The following ZNF483 variants were observed in gnomAD, a reference collection of about 807,000 sequenced individuals.
ZNF483 encodes zinc finger protein HIT-10.
ZNF483 carries 9 observed loss-of-function variants against 28.6 expected under a neutral mutation model. The ratio of observed to expected loss-of-function variants is 0.32; its 90% CI spans 0.19 to 0.55. The LOEUF (loss-of-function observed/expected upper bound fraction) is 0.55, where lower values mean the gene tolerates loss of function less well. Among genes scored for constraint, ZNF483 ranks in the 20% least tolerant of loss-of-function variants. ZNF483 has a pLI of 0.93. For synonymous variants in ZNF483, 322 were observed against 306.2 expected, an observed-to-expected ratio of 1.05 and a Z score of -0.54; for missense variants, 675 against 871.7, an observed-to-expected ratio of 0.77 and a Z score of 2.84.
rs1299743945 is a variant in ZNF483, at chr9:111,553,116, C to T, written c.*9946C>T. Among the ~76,000 whole-genome samples the T allele has an allele frequency of 1.3e-5, 2 of 152,262 alleles. No homozygotes were observed. The highest frequency in any genetic ancestry group is 3.9e-4 in the East Asian group (2 of 5,186). ...TGTGTATTCTTTTTTGACTTACACT[C>T]ACTAAATGGTTGCTAAAAATTACAT... On this transcript the variant is annotated 3_prime_UTR_variant, in exon 6 of 6. Transcript: ENST00000309235.
downstream of ZNF483, among the ~76,000 whole-genome samples, chr9:111,559,786 C>G (rs1828222782): frequency 6.6e-6 from 1 of 152,186 alleles, no homozygotes; most frequent in African/African-American, 2.4e-5. Flanking sequence ...TTGGCTCCTT[C>G]TAATGTCTTT....
At chr9:111,566,702 G>A (rs190847786) in intron 5 of ZNF483, among the ~76,000 whole-genome samples, 1 of 152,258 alleles carries the variant, frequency 6.6e-6, no homozygotes, top group African/African-American at 2.4e-5. Context: ...TTTATTCAGT[G>A]CCTACATTGC....
intron 5 of ZNF483, among the ~76,000 whole-genome samples, chr9:111,536,531 TAAAAAC>T (rs1292104170): frequency 5.9e-5 from 9 of 152,048 alleles, no homozygotes; most frequent in South Asian, 2.1e-4. Flanking sequence ...TCTCAAAAAA[TAAAAAC>T]AAAAGTAAGT....
intron 4 of ZNF483, 32 bp from the exon 5 acceptor site, chr9:111,534,229 C>G: frequency 6.3e-7 from 1 of 1,580,410 alleles, no homozygotes; most frequent in South Asian, 1.1e-5. Flanking sequence ...CTATGCAAAA[C>G]AGCAATTTTC....
At chr9:111,537,714 C>T (rs1053432182) in intron 5 of ZNF483, among the ~76,000 whole-genome samples, 4 of 152,168 alleles carry the variant, frequency 2.6e-5, no homozygotes, top group East Asian at 1.9e-4. Context: ...ACAGCCTCCA[C>T]CTCCTGGGCT....
intron 3 of ZNF483, among the ~76,000 whole-genome samples, chr9:111,531,380 T>C (rs1013771645): frequency 6.6e-6 from 1 of 152,002 alleles, no homozygotes; most frequent in African/African-American, 2.4e-5. Flanking sequence ...ATTTCCTTCT[T>C]TTTTTTTCTT....
intron 1 of ZNF483, among the ~76,000 whole-genome samples, chr9:111,526,432 T>C (rs1827188288): frequency 6.6e-6 from 1 of 151,976 alleles, no homozygotes; most frequent in Non-Finnish European, 1.5e-5. Context: ...CGGGGAGTGA[T>C]AAGATCATAT....
chr9:111,551,272 C>G lies in ZNF483; in HGVS notation c.*8102C>G, dbSNP rs888480686. 1.3e-5 allele frequency among the ~76,000 whole-genome samples: 2 copies of G among 151,922 alleles called. No individual in the cohort carries two copies. Among genetic ancestry groups the G allele is most frequent in the Admixed American group, 1.3e-4 (2 of 15,246 alleles). On this transcript the variant is annotated 3_prime_UTR_variant, in exon 6 of 6. Transcript: ENST00000309235. ...ACACACAAAATTTTCATTTGTAATACATAACTCACATTTAGATTTATAAAA... is the reference window on the plus strand; with the variant it reads ...ACACACAAAATTTTCATTTGTAATAGATAACTCACATTTAGATTTATAAAA...
At chr9:111,535,555 G>A (rs1827471625) in intron 5 of ZNF483, among the ~76,000 whole-genome samples, 1 of 152,162 alleles carries the variant, frequency 6.6e-6, no homozygotes, top group Non-Finnish European at 1.5e-5. Flanking sequence ...GTTTTGTTTT[G>A]TTTTCTTGAG....
In ZNF483 at chr9:111,527,642, C is replaced by A; in HGVS notation, c.247C>A (p.Pro83Thr). Residue 83 changes from proline to threonine, a missense_variant, in exon 2 of 6, where the codon CCA (proline) becomes ACA (threonine). Physicochemically the swap from Pro to Thr is conservative, Grantham distance 38. Around this residue, in one of 6 missense-constraint regions of ZNF483, gnomAD observed 525 missense variants for 581.8 expected, o/e 0.90. Transcript: ENST00000309235. ...GGAGCTCTGCAATCAGTGGCTGAGA[C>A]CAGACATTCACACGAAAGAACAGAT... ...LWELCNQWLR[P>T]DIHTKEQILE... The A allele has an allele frequency of 6.2e-7, 1 of 1,614,108 alleles. No homozygotes were observed. Among genetic ancestry groups the A allele is most frequent in the Non-Finnish European group, 8.5e-7 (1 of 1,180,040 alleles).
intron 5 of ZNF483, chr9:111,574,243 CT>C (rs1828957103): frequency 6.6e-6 from 1 of 152,162 alleles, no homozygotes; most frequent in Non-Finnish European, 1.5e-5. Context: ...ATAACTGTTT[CT>C]TTTATATTTG....
rs183452797 is a variant in ZNF483 at position 111,570,498 on chromosome 9, C to T, written c.722-5867C>T. On this transcript the variant is annotated intron_variant, in intron 5 of 5. Transcript: ENST00000358151. The stretch of plus-strand genomic sequence containing the variant: ...ATGATTAAGAAGTTTGGGGGTGGCG[C>T]GGTGGCTCACACCTGTAATCCCAGC... 5.5e-3 allele frequency among the ~76,000 whole-genome samples: 837 copies of T among 152,072 alleles called. 13 individuals carry two copies. The highest frequency in any genetic ancestry group is 0.019 in the African/African-American group (803 of 41,498).
In ZNF483 at chr9:111,544,306, A is replaced by G; in HGVS notation, c.*1136A>G. On this transcript the variant is annotated 3_prime_UTR_variant, in exon 6 of 6. Coordinates refer to ENST00000309235, the MANE Select transcript of ZNF483 (RefSeq NM_133464.5). Reference sequence around the variant, plus strand: ...TGGAGTGTAAACATTCTGTGTGGCAACAGTTAAAAGCTGTTATAACAATTT... The same window carrying G: ...TGGAGTGTAAACATTCTGTGTGGCAGCAGTTAAAAGCTGTTATAACAATTT... 1 of 985,378 alleles carries G rather than the reference A, an allele frequency of 1.0e-6. No homozygotes were observed. The allele number at this position is 985,378 out of a possible 1,614,324, so 61.0% of individuals were successfully genotyped here. A position where few individuals can be genotyped will look rare whatever the true frequency, so the allele number is the denominator to read the frequency against.
rs1827749618 is a variant in ZNF483, at chr9:111,544,268, A to AT, written c.*1105dup. On this transcript the variant is annotated 3_prime_UTR_variant, in exon 6 of 6. Transcript: ENST00000309235. ...AAACAATTTTGCCTGTAGCAAGTAC[A>AT]TTTTTTTGCAATTGGAGTGTAAACA... 4.1e-6 allele frequency: 4 copies of AT among 985,240 alleles called. No homozygotes were observed. The highest frequency in any genetic ancestry group is 4.7e-5 in the South Asian group (1 of 21,280). 61.0% of individuals were successfully genotyped at this position (985,240 alleles called of 1,614,324 possible). A position where few individuals can be genotyped will look rare whatever the true frequency, so the allele number is the denominator to read the frequency against.
rs1827721655 is a variant in ZNF483 at position 111,543,435 on chromosome 9, G to A, written c.*265G>A. 1 of 1,192,534 alleles carries A rather than the reference G, an allele frequency of 8.4e-7. No homozygotes were observed. The highest frequency in any genetic ancestry group is 4.2e-5 in the Admixed American group (1 of 23,600). 73.9% of individuals were successfully genotyped at this position (1,192,534 alleles called of 1,614,324 possible). A position where few individuals can be genotyped will look rare whatever the true frequency, so the allele number is the denominator to read the frequency against. ...ATTGGAAAAGCTCTTTTCTTCAGGG[G>A]ATTTCTCTCTGATTTCTTCTACTAC... is the stretch of plus-strand genomic sequence containing the variant. On this transcript the variant is annotated 3_prime_UTR_variant, in exon 6 of 6. Transcript: ENST00000309235.
chr9:111,564,288 T>C, intron 5 of ZNF483: 1 of 560,938 alleles, frequency 1.8e-6, no homozygotes, highest in Non-Finnish European at 2.3e-6. Flanking sequence ...TTATTATTAT[T>C]ATTATTATTA....
At chr9:111,535,626 C>T (rs1040842261) in intron 5 of ZNF483, among the ~76,000 whole-genome samples, 3 of 152,190 alleles carry the variant, frequency 2.0e-5, no homozygotes, top group Non-Finnish European at 1.5e-5. Flanking sequence ...TCACTGCAAC[C>T]TCTGCCTCCC....
chr9:111,574,858 A>G, intron 5 of ZNF483: 1 of 1,565,696 alleles, frequency 6.4e-7, no homozygotes, highest in East Asian at 2.2e-5. Flanking sequence ...CAGATAGCAA[A>G]GACAAAATGT....
intron 5 of ZNF483, among the ~76,000 whole-genome samples, chr9:111,562,316 C>T (rs77972542): frequency 0.027 from 4,067 of 149,264 alleles, 95 homozygotes; most frequent in East Asian, 0.13. Context: ...CGCTCTGTCA[C>T]CCAGGCTGGA....
Sources: allele counts gnomAD v4.1 joint callset (sites outside exome capture counted in the v4.1 genomes callset), GRCh38; gene constraint gnomAD v4.1.1; regional missense constraint gnomAD v4.1.1; transcripts MANE v1.5; gene names NCBI Gene and HGNC (gene_info 2026-07-23, HGNC 2026-07-21).